ANTXRL: variants seen among roughly 807,000 people sequenced by gnomAD.
ANTXRL encodes ANTXR like.
ANTXRL carries 63 observed loss-of-function variants against 75.4 expected under a neutral mutation model. The observed-to-expected ratio is 0.84, with a 90% CI of 0.68 to 1.03. The LOEUF is 1.03. Ranked by LOEUF, ANTXRL falls within the 50% of genes least tolerant of loss-of-function variation. The pLI, the probability that ANTXRL is intolerant of heterozygous loss-of-function variation, is 0.00. For missense variants in ANTXRL, 797 were observed against 789.4 expected, an observed-to-expected ratio of 1.01 and a Z score of -0.12; for synonymous variants, 335 against 291.3, an observed-to-expected ratio of 1.15 and a Z score of -1.53.
intron 9 of ANTXRL, among the ~76,000 whole-genome samples, chr10:46,301,782 G>T (rs1837759630): frequency 6.6e-6 from 1 of 152,224 alleles, no homozygotes; most frequent in African/African-American, 2.4e-5. Flanking sequence ...CTGCAGAAAG[G>T]CAGGAAGCAG....
chr10:46,305,958 T>C (rs1470728423), intron 10 of ANTXRL, among the ~76,000 whole-genome samples: 1 of 152,166 alleles, frequency 6.6e-6, no homozygotes, highest in African/African-American at 2.4e-5. Context: ...GTTGCCTCCA[T>C]GTGCAAAATA....
chr10:46,293,674 C>A (rs1224304955), intron 2 of ANTXRL, among the ~76,000 whole-genome samples, 155 bp from the exon 3 acceptor site: 2 of 151,986 alleles, frequency 1.3e-5, no homozygotes, highest in Admixed American at 6.6e-5. Context: ...TCTCCACAGG[C>A]CTCAGAGTCC....
chr10:46,297,816 C>A lies in ANTXRL; in HGVS notation c.655-15C>A, dbSNP rs1837473833. Reference sequence around the variant, plus strand: ...CCTCCTGGTGGGGAGTCCAACCCAGCTCTGCTCTCTGTAGATAACAGCAAT... The same window carrying A: ...CCTCCTGGTGGGGAGTCCAACCCAGATCTGCTCTCTGTAGATAACAGCAAT... On this transcript the variant is annotated splice_polypyrimidine_tract_variant and intron_variant, in intron 7 of 16. Transcript: ENST00000620264. 5.9e-6 allele frequency: 9 copies of A among 1,535,530 alleles called. 1 individual carries two copies. Among genetic ancestry groups the A allele is most frequent in the Non-Finnish European group, 6.1e-6 (7 of 1,146,434 alleles).
chr10:46,297,739 A>G, intron 7 of ANTXRL, 92 bp from the exon 8 acceptor site: 2 of 1,160,428 alleles, frequency 1.7e-6, no homozygotes, highest in South Asian at 1.3e-5. Flanking sequence ...GCTGCCCCCA[A>G]AGCATGAGGG....
intron 9 of ANTXRL, among the ~76,000 whole-genome samples, chr10:46,298,495 AGT>A (rs1837524876): frequency 6.7e-6 from 1 of 148,322 alleles, no homozygotes. Context: ...TGGGGGTGTG[AGT>A]GTACGTAGGG....
intron 10 of ANTXRL, among the ~76,000 whole-genome samples, chr10:46,303,735 G>A (rs1294708779): frequency 6.6e-6 from 1 of 151,990 alleles, no homozygotes; most frequent in East Asian, 1.9e-4. Flanking sequence ...TAGGCATCAG[G>A]GAACCTCTGT....
In ANTXRL at chr10:46,297,469, G is replaced by T. The variant is rs1320804951; in HGVS notation, c.649G>T (p.Asp217Tyr). Reference sequence around the variant, plus strand: ...CCTGGGTGTGGCTGATTATAATCTGGATCAGGTAATTCCAAGCAGGTAACC... The same window carrying T: ...CCTGGGTGTGGCTGATTATAATCTGTATCAGGTAATTCCAAGCAGGTAACC... ...YTLGVADYNL[D>Y]QITAIADSPG... The change falls in exon 7 of 17, where the codon GAT becomes TAT. Residue 217 changes from aspartate to tyrosine, a missense_variant. Around this residue, in one of 3 missense-constraint regions of ANTXRL, gnomAD observed 262 missense variants for 271.9 expected, o/e 0.96. Transcript: ENST00000620264. 13 of 1,535,570 alleles carry T rather than the reference G, an allele frequency of 8.5e-6. 2 individuals are homozygous for T. Among genetic ancestry groups the T allele is most frequent in the South Asian group, 5.9e-5 (5 of 84,040 alleles).
At chr10:46,323,843 A>G (rs1839091649) in intron 16 of ANTXRL, among the ~76,000 whole-genome samples, 1 of 152,150 alleles carries the variant, frequency 6.6e-6, no homozygotes, top group South Asian at 2.1e-4. Context: ...TTCCGAGGTA[A>G]AGATTCCCAT....
At chr10:46,327,735 C>A (rs1839294042) in intron 16 of ANTXRL, among the ~76,000 whole-genome samples, 1 of 152,160 alleles carries the variant, frequency 6.6e-6, no homozygotes, top group Non-Finnish European at 1.5e-5. Flanking sequence ...TCTGCATGGT[C>A]TGTGGAACAC....
In ANTXRL at chr10:46,301,347, A is replaced by T. The variant is rs567164310; in HGVS notation, c.797-1375A>T. On this transcript the variant is annotated intron_variant, in intron 9 of 16. Transcript: ENST00000620264. ...GGGCCCATGTCTAGTTGCTCAGAAC[A>T]GGGCACCAAGTTGGCATTTCCTGCT... Among the ~76,000 whole-genome samples, 307 of 152,342 alleles carry T rather than the reference A, an allele frequency of 2.0e-3. 1 individual carries two copies. The highest frequency in any genetic ancestry group is 6.6e-3 in the Admixed American group (101 of 15,300).
intron 16 of ANTXRL, among the ~76,000 whole-genome samples, chr10:46,323,461 C>T (rs547572572): frequency 2.0e-5 from 3 of 152,226 alleles, no homozygotes; most frequent in Admixed American, 6.5e-5. Flanking sequence ...TAGAAGACAT[C>T]GGGAAGAATT....
At chr10:46,329,018 C>A (rs1237369798) in intron 16 of ANTXRL, among the ~76,000 whole-genome samples, 1 of 152,202 alleles carries the variant, frequency 6.6e-6, no homozygotes, top group African/African-American at 2.4e-5. Context: ...AACACAAAGA[C>A]AATCTCTGTG....
In ANTXRL at chr10:46,302,724, C is replaced by T. The variant is rs192631794; in HGVS notation, c.799C>T (p.Pro267Ser). The change falls in exon 10 of 17, where the codon CCC (proline) becomes TCC (serine). Residue 267 changes from proline (P) to serine (S), a missense_variant and splice_region_variant. Around this residue, in one of 3 missense-constraint regions of ANTXRL, gnomAD observed 56 missense variants for 95.5 expected, o/e 0.59. Transcript: ENST00000620264. ...VEPSSECVGE[P>S]YHVVIHGNGF... ...CCTTTTGAATGTTGTCCTTGCAGAA[C>T]CCTACCATGTGGTTATTCATGGAAA... is the stretch of plus-strand genomic sequence containing the variant. The T allele has an allele frequency of 4.4e-4, 669 of 1,535,050 alleles. 14 individuals carry two copies. In the African/African-American group the frequency reaches 8.2e-3, roughly 19 times the overall value.
In ANTXRL at chr10:46,287,361, T is replaced by G. The variant is rs78983634; in HGVS notation, c.99T>G (p.His33Gln). The change falls in exon 1 of 17, where the codon CAT becomes CAG. Residue 33 changes from histidine (H) to glutamine (Q), a missense_variant. Around this residue, in one of 3 missense-constraint regions of ANTXRL, gnomAD observed 262 missense variants for 271.9 expected, o/e 0.96. Transcript: ENST00000620264. ...TTAGAGCAGGAAGCCTTCGGTACCATGGACCTGACTGGAGAATATTTCACC... is the reference window on the plus strand; with the variant it reads ...TTAGAGCAGGAAGCCTTCGGTACCAGGGACCTGACTGGAGAATATTTCACC... ...PLFRAGSLRYHGPDWRIFHRL... is the reference protein window; with the variant it reads ...PLFRAGSLRYQGPDWRIFHRL... The G allele has an allele frequency of 0.016, 24,770 of 1,535,676 alleles. 955 individuals are homozygous for G. Among genetic ancestry groups the G allele is most frequent in the East Asian group, 0.1 (4,128 of 40,878 alleles).
intron 16 of ANTXRL, among the ~76,000 whole-genome samples, chr10:46,315,090 G>T (rs1838650009): frequency 6.6e-6 from 1 of 152,174 alleles, no homozygotes; most frequent in African/African-American, 2.4e-5. Flanking sequence ...GCTGGCCCTA[G>T]GGTCTAACAT....
chr10:46,313,317 G>A lies in ANTXRL; in HGVS notation c.1410+1G>A. The A allele has an allele frequency of 6.5e-7, 1 of 1,535,854 alleles. No individual in the cohort carries two copies. Among genetic ancestry groups the A allele is most frequent in the Non-Finnish European group, 8.7e-7 (1 of 1,146,680 alleles). On this transcript the variant is annotated splice_donor_variant, in intron 16 of 16. Transcript: ENST00000620264. LOFTEE classifies it high-confidence loss of function. Reference sequence around the variant, plus strand: ...GATGTGTTGTCAGAGCAGGGACCAGGTGAGCTAGGGCACAGGGACACAGTT... The same window carrying A: ...GATGTGTTGTCAGAGCAGGGACCAGATGAGCTAGGGCACAGGGACACAGTT...
At chr10:46,317,813 G>T (rs1838807032) in intron 16 of ANTXRL, among the ~76,000 whole-genome samples, 1 of 152,120 alleles carries the variant, frequency 6.6e-6, no homozygotes, top group Non-Finnish European at 1.5e-5. Flanking sequence ...CTGATTGTTT[G>T]CCAATCACTT....
At chr10:46,287,671 G>T (rs1836820661) in intron 1 of ANTXRL, among the ~76,000 whole-genome samples, 161 bp downstream of exon 1, 1 of 152,128 alleles carries the variant, frequency 6.6e-6, no homozygotes, top group South Asian at 2.1e-4. Context: ...TTCTGAGGCA[G>T]AAAGAATGCC....
Position 46,292,061 on chromosome 10 carries a change from T to C in ANTXRL, c.252T>C (p.Ser84=), listed in dbSNP as rs1218534050. 3 of 1,536,138 alleles carry C rather than the reference T, an allele frequency of 2.0e-6. No individual in the cohort carries two copies. The highest frequency in any genetic ancestry group is 2.6e-6 in the Non-Finnish European group (3 of 1,146,784). ...CCCACATCTCCTTTTGTTTTAGGTC[T>C]GGCAGCGTGAACAATAACTGGATTG... ...SFDLYFILDK[S]GSVNNNWIDL... The change falls in exon 2 of 17, where the codon TCT becomes TCC. Residue 84 remains serine (S), a synonymous_variant. Coordinates refer to ENST00000620264, the MANE Select transcript of ANTXRL (RefSeq NM_001278688.3).
Sources: gnomAD v4.1 joint callset for allele counts (sites outside exome capture counted in the v4.1 genomes callset) on GRCh38, gnomAD v4.1.1 for gene constraint, gnomAD v4.1.1 regional missense constraint, MANE v1.5 for transcripts, NCBI Gene and HGNC (gene_info 2026-07-23, HGNC 2026-07-21) for gene names.